ARID1B: variants seen among roughly 807,000 people sequenced by gnomAD.
ARID1B encodes the protein AT-rich interactive domain-containing protein 1B.
In ARID1B, 30 loss-of-function variants were observed where a neutral mutation model predicts 212.3. The observed-to-expected ratio is 0.14, with a 90% CI of 0.11 to 0.19. The LOEUF (loss-of-function observed/expected upper bound fraction) is 0.19, where lower values mean the gene tolerates loss of function less well. Ranked by LOEUF, ARID1B falls within the 10% of genes least tolerant of loss-of-function variation. The pLI is 1.00. For synonymous variants in ARID1B, 1,402 were observed against 1,301.7 expected, an observed-to-expected ratio of 1.08 and a Z score of -1.66; for missense variants, 2,891 against 3,204.0, an observed-to-expected ratio of 0.90 and a Z score of 2.36.
At chr6:156,870,692 G>C (rs890648002) in intron 2 of ARID1B, among the ~76,000 whole-genome samples, 1 of 137,396 alleles carries the variant, frequency 7.3e-6, no homozygotes, top group African/African-American at 3.5e-5. Flanking sequence ...TGTGAAAATA[G>C]AAGTACTTGA....
At chr6:157,047,271 C>A (rs984224255) in intron 4 of ARID1B, among the ~76,000 whole-genome samples, 3 of 152,102 alleles carry the variant, frequency 2.0e-5, no homozygotes, top group African/African-American at 4.8e-5. Context: ...GTTTGTGGAG[C>A]TTAACTGACA....
chr6:156,983,522 T>C (rs1311444924), intron 4 of ARID1B, among the ~76,000 whole-genome samples: 1 of 152,196 alleles, frequency 6.6e-6, no homozygotes, highest in Non-Finnish European at 1.5e-5. Flanking sequence ...GACTTCCTCA[T>C]GTTGATATGT....
At chr6:156,906,460 G>A (rs145534982) in intron 3 of ARID1B, among the ~76,000 whole-genome samples, 1,856 of 144,652 alleles carry the variant, frequency 0.013, 17 homozygotes, top group Middle Eastern at 0.019. Flanking sequence ...CAGAAGAATC[G>A]CTTGAACCCG....
chr6:157,029,015 T>C (rs1780850920), intron 4 of ARID1B, among the ~76,000 whole-genome samples: 1 of 152,234 alleles, frequency 6.6e-6, no homozygotes, highest in Non-Finnish European at 1.5e-5. Context: ...AGTCTAGAAG[T>C]CATTACCTCT....
At chr6:156,852,597 A>G (rs1198913012) in intron 2 of ARID1B, among the ~76,000 whole-genome samples, 1 of 152,146 alleles carries the variant, frequency 6.6e-6, no homozygotes, top group African/African-American at 2.4e-5. Context: ...CCATTAGCAG[A>G]TGTTTTTCCA....
chr6:157,188,206 A>G (rs1283297003), intron 13 of ARID1B, among the ~76,000 whole-genome samples: 1 of 140,470 alleles, frequency 7.1e-6, no homozygotes, highest in African/African-American at 2.5e-5. Flanking sequence ...CTTAAAGTTT[A>G]AAAAAAAAAA....
At chr6:156,989,453 G>A (rs1258614919) in intron 4 of ARID1B, among the ~76,000 whole-genome samples, 19 of 152,168 alleles carry the variant, frequency 1.2e-4, no homozygotes, top group Admixed American at 7.9e-4. Flanking sequence ...TTGGGAATTC[G>A]TCATAGCTGT....
chr6:157,129,661 A>G (rs1307333835), intron 6 of ARID1B, among the ~76,000 whole-genome samples: 1 of 152,104 alleles, frequency 6.6e-6, no homozygotes, highest in Non-Finnish European at 1.5e-5. Flanking sequence ...TTTTAATTCT[A>G]CCTCCTTTTG....
At chr6:156,915,799 G>A (rs1386431689) in intron 3 of ARID1B, among the ~76,000 whole-genome samples, 1 of 151,868 alleles carries the variant, frequency 6.6e-6, no homozygotes, top group Non-Finnish European at 1.5e-5. Flanking sequence ...GGGAGGCTGA[G>A]GCAGGGGGAT....
At chr6:157,077,026 A>G (rs979237550) in intron 4 of ARID1B, among the ~76,000 whole-genome samples, 4 of 152,312 alleles carry the variant, frequency 2.6e-5, no homozygotes, top group East Asian at 1.9e-4. Flanking sequence ...GTTAAGGCAT[A>G]TATCTTTCAA....
chr6:157,000,172 G>A lies in ARID1B; in HGVS notation c.2247+64596G>A, dbSNP rs531414573. Among the ~76,000 whole-genome samples, 31 of 152,308 alleles carry A rather than the reference G, an allele frequency of 2.0e-4. No homozygotes were observed. In the South Asian group the frequency reaches 4.4e-3, roughly 21 times the overall value. On this transcript the variant is annotated intron_variant, in intron 4 of 19. Coordinates refer to ENST00000636930, the MANE Select transcript of ARID1B (RefSeq NM_001374828.1). ...GCCCTGCTACAGGAACAGGTGGGAC[G>A]AAACTGGAGATGCGTCCTGGGAGGC...
chr6:157,175,252 C>A, intron 11 of ARID1B: 1 of 240,006 alleles, frequency 4.2e-6, no homozygotes, highest in Non-Finnish European at 7.8e-6. Context: ...CACCTCTATA[C>A]AAAGCATGCG....
chr6:157,153,482 A>C (rs1790345150), intron 8 of ARID1B, among the ~76,000 whole-genome samples: 1 of 152,250 alleles, frequency 6.6e-6, no homozygotes, highest in African/African-American at 2.4e-5. Context: ...AGAGTTGGAA[A>C]TACTAGCTGA....
At chr6:156,874,005 T>C (rs1418539812) in intron 2 of ARID1B, among the ~76,000 whole-genome samples, 1 of 152,224 alleles carries the variant, frequency 6.6e-6, no homozygotes, top group Non-Finnish European at 1.5e-5. Flanking sequence ...GTGGTGGCAG[T>C]GCCAAAGAGT....
chr6:156,851,685 A>G lies in ARID1B; in HGVS notation c.1986+22264A>G, dbSNP rs372353484. On this transcript the variant is annotated intron_variant, in intron 2 of 19. Coordinates refer to ENST00000636930, the MANE Select transcript of ARID1B (RefSeq NM_001374828.1). ...TGTTAAAATTACTATTTCTGCATTC[A>G]AATGACTAAGTACAGTAAACTTTTT... is the stretch of plus-strand genomic sequence containing the variant. Among the ~76,000 whole-genome samples the G allele has an allele frequency of 4.7e-4, 72 of 152,380 alleles. No homozygotes were observed. In the South Asian group the frequency reaches 9.8e-3, roughly 21 times the overall value.
intron 2 of ARID1B, among the ~76,000 whole-genome samples, chr6:156,868,111 A>G (rs1197336053): frequency 6.6e-6 from 1 of 152,148 alleles, no homozygotes; most frequent in Non-Finnish European, 1.5e-5. Context: ...CTCAGTACCG[A>G]GCTGTGCACA....
intron 2 of ARID1B, among the ~76,000 whole-genome samples, chr6:156,836,640 G>C (rs1165445952): frequency 2.0e-5 from 3 of 152,028 alleles, no homozygotes. Flanking sequence ...AATATTAAGT[G>C]AATGTCTTTT....
rs1794628130 is a variant in ARID1B, at chr6:157,208,664, T to C, written c.*773T>C. The C allele has an allele frequency of 4.3e-6, 1 of 232,034 alleles. No individual in the cohort carries two copies. The highest frequency in any genetic ancestry group is 2.2e-5 in the African/African-American group (1 of 45,246). 14.4% of individuals were successfully genotyped at this position (232,034 alleles called of 1,614,324 possible). On this transcript the variant is annotated 3_prime_UTR_variant, in exon 20 of 20. Transcript: ENST00000636930. ...AATATTTTTTTTACTGCCTATGGGC[T>C]GTGATGTATATAGAAGTTGTACATT...
In ARID1B at chr6:156,971,395, T is replaced by G. The variant is rs73576095; in HGVS notation, c.2247+35819T>G. Among the ~76,000 whole-genome samples, 552 of 152,290 alleles carry G rather than the reference T, an allele frequency of 3.6e-3. 6 individuals are homozygous for G. The highest frequency in any genetic ancestry group is 0.012 in the African/African-American group (517 of 41,566). On this transcript the variant is annotated intron_variant, in intron 4 of 19. Transcript: ENST00000636930. The stretch of plus-strand genomic sequence containing the variant: ...AAATGGGCATAATAACATATAACAT[T>G]ATGTAACAGAGATGTTGAAAGAACT...
Sources: allele counts gnomAD v4.1 joint callset (sites outside exome capture counted in the v4.1 genomes callset), GRCh38; gene constraint gnomAD v4.1.1; transcripts MANE v1.5; gene names NCBI Gene and HGNC (gene_info 2026-07-23, HGNC 2026-07-21).